ZNF704: variants seen among roughly 807,000 people sequenced by gnomAD.
ZNF704 encodes the protein glucocorticoid induced gene 1.
Under a neutral mutation model 44.7 loss-of-function variants are expected in ZNF704, and 10 were observed. The ratio of observed to expected loss-of-function variants is 0.22; its 90% CI spans 0.14 to 0.38. The LOEUF (loss-of-function observed/expected upper bound fraction) is 0.38. Ranked by LOEUF, ZNF704 falls within the 10% of genes least tolerant of loss-of-function variation. ZNF704 has a pLI of 1.00. For missense variants in ZNF704, 390 were observed against 545.5 expected (o/e 0.71, Z 2.84); for synonymous variants, 211 against 207.6 (o/e 1.02, Z -0.14).
At chr8:80,785,613 T>G (rs1323113163) in intron 2 of ZNF704, among the ~76,000 whole-genome samples, 1 of 152,250 alleles carries the variant, frequency 6.6e-6, no homozygotes, top group Non-Finnish European at 1.5e-5. Flanking sequence ...ACTTTGTTGC[T>G]TAAGCTGTCC....
chr8:80,757,539 A>T (rs1807056665), intron 2 of ZNF704, among the ~76,000 whole-genome samples: 1 of 152,118 alleles, frequency 6.6e-6, no homozygotes, highest in South Asian at 2.1e-4. Flanking sequence ...ATTTTAAAAA[A>T]TAAATTTGGT....
chr8:80,765,130 G>A (rs756123601), intron 2 of ZNF704, among the ~76,000 whole-genome samples: 21 of 152,164 alleles, frequency 1.4e-4, no homozygotes, highest in Non-Finnish European at 2.8e-4. Context: ...AAAATCCTCA[G>A]GCCTTGGGGG....
intron 2 of ZNF704, among the ~76,000 whole-genome samples, chr8:80,789,940 G>A (rs540437539): frequency 7.9e-5 from 12 of 152,252 alleles, no homozygotes; most frequent in African/African-American, 2.4e-4. Context: ...ATATTTGTAC[G>A]TTAAAATCCA....
chr8:80,746,600 T>C (rs1806848410), intron 2 of ZNF704, among the ~76,000 whole-genome samples: 1 of 152,160 alleles, frequency 6.6e-6, no homozygotes, highest in East Asian at 1.9e-4. Flanking sequence ...TGCTGGGTAT[T>C]ACACTAAGTT....
chr8:80,766,408 A>G (rs1342858490), intron 2 of ZNF704, among the ~76,000 whole-genome samples: 1 of 152,114 alleles, frequency 6.6e-6, no homozygotes, highest in Non-Finnish European at 1.5e-5. Flanking sequence ...CCTTCCAGTC[A>G]TTGCTGCTAT....
chr8:80,695,991 T>G (rs1818718308), intron 2 of ZNF704, among the ~76,000 whole-genome samples: 1 of 152,244 alleles, frequency 6.6e-6, no homozygotes, highest in African/African-American at 2.4e-5. Context: ...CCAGATGATA[T>G]GGCCTTGTGC....
intron 2 of ZNF704, among the ~76,000 whole-genome samples, chr8:80,729,529 C>T (rs1249556116): frequency 2.6e-5 from 4 of 152,312 alleles, no homozygotes; most frequent in African/African-American, 9.6e-5. Flanking sequence ...CAGCTGAAAC[C>T]TGGCATCCTC....
At chr8:80,671,649 A>G (rs1818283158) in intron 4 of ZNF704, among the ~76,000 whole-genome samples, 1 of 152,182 alleles carries the variant, frequency 6.6e-6, no homozygotes, top group Admixed American at 6.5e-5. Context: ...CTCTTTGCTG[A>G]CTGTTCCCTT....
At chr8:80,746,769 A>G (rs1363190807) in intron 2 of ZNF704, among the ~76,000 whole-genome samples, 3 of 152,198 alleles carry the variant, frequency 2.0e-5, no homozygotes, top group Non-Finnish European at 2.9e-5. Flanking sequence ...GGTGCCATGG[A>G]GATTGGTCTC....
At chr8:80,676,184 T>C (rs1255203228) in intron 4 of ZNF704, among the ~76,000 whole-genome samples, 1 of 152,124 alleles carries the variant, frequency 6.6e-6, no homozygotes, top group African/African-American at 2.4e-5. Context: ...GGTAATAGAC[T>C]GGAGAGTAAG....
chr8:80,739,787 A>T (rs1806725697), intron 2 of ZNF704, among the ~76,000 whole-genome samples: 1 of 152,172 alleles, frequency 6.6e-6, no homozygotes, highest in South Asian at 2.1e-4. Context: ...GTCTACAAGG[A>T]CACTTTAAAA....
At position 80,730,060 on chromosome 8, in the gene ZNF704, A is replaced by G. The variant is rs1490998963; in HGVS notation, c.222-36953T>C. Among the ~76,000 whole-genome samples the G allele has an allele frequency of 2.6e-5, 4 of 152,336 alleles. No homozygotes were observed. The East Asian group carries it at 5.8e-4, about 22-fold the overall frequency. ...AACACCAACACCTATGCATAGGTGG[A>G]CGGAAACAGAACACACCTGAGAAGA... is the stretch of plus-strand genomic sequence containing the variant. On this transcript the variant is annotated intron_variant, in intron 2 of 8. Transcript: ENST00000327835.
intron 4 of ZNF704, among the ~76,000 whole-genome samples, chr8:80,683,599 T>C (rs1585950078): frequency 6.6e-6 from 1 of 152,182 alleles, no homozygotes; most frequent in East Asian, 1.9e-4. Flanking sequence ...TGCCACATTA[T>C]AAGCTACACA....
intron 1 of ZNF704, among the ~76,000 whole-genome samples, chr8:80,861,258 T>C (rs1374940706): frequency 6.6e-6 from 1 of 152,226 alleles, no homozygotes; most frequent in East Asian, 1.9e-4. Context: ...TGAGCTTTGA[T>C]GACCCCACCA....
chr8:80,737,712 T>C (rs750935803), intron 2 of ZNF704, among the ~76,000 whole-genome samples: 5 of 152,306 alleles, frequency 3.3e-5, no homozygotes, highest in South Asian at 2.1e-4. Context: ...TCTGGACTTA[T>C]GATAGATTTA....
At chr8:80,777,748 G>A (rs1478186665) in intron 2 of ZNF704, among the ~76,000 whole-genome samples, 1 of 151,872 alleles carries the variant, frequency 6.6e-6, no homozygotes, top group Non-Finnish European at 1.5e-5. Context: ...GCATAATGAT[G>A]GTCACCTGTA....
intron 1 of ZNF704, among the ~76,000 whole-genome samples, chr8:80,832,379 C>G (rs1808485582): frequency 6.6e-6 from 1 of 152,160 alleles, no homozygotes; most frequent in South Asian, 2.1e-4. Flanking sequence ...AACGGCGCAT[C>G]AGAAAAGAGA....
At chr8:80,836,857 T>G (rs1808592051) in intron 1 of ZNF704, among the ~76,000 whole-genome samples, 1 of 152,188 alleles carries the variant, frequency 6.6e-6, no homozygotes, top group Admixed American at 6.5e-5. Context: ...TCTGCAGGAC[T>G]TATTATTTTC....
At chr8:80,827,441 A>G (rs1440896960) in intron 1 of ZNF704, among the ~76,000 whole-genome samples, 1 of 152,244 alleles carries the variant, frequency 6.6e-6, no homozygotes, top group African/African-American at 2.4e-5. Context: ...CAAATGGAAG[A>G]ATATTCCATG....
Sources: allele counts gnomAD v4.1 joint callset (sites outside exome capture counted in the v4.1 genomes callset), GRCh38; gene constraint gnomAD v4.1.1; transcripts MANE v1.5; gene names NCBI Gene and HGNC (gene_info 2026-07-23, HGNC 2026-07-21).